The following TENM1 variants were observed in gnomAD, a reference collection of about 807,000 sequenced individuals.
TENM1 encodes teneurin-1.
Under a neutral mutation model 174.8 loss-of-function variants are expected in TENM1, and 35 were observed. That is an observed-to-expected ratio of 0.20 (90% CI 0.15 to 0.27). The LOEUF is 0.27. Among genes scored for constraint, TENM1 ranks in the 10% least tolerant of loss-of-function variants. The pLI is 1.00. For synonymous variants in TENM1, 781 were observed against 798.7 expected, an observed-to-expected ratio of 0.98 and a Z score of 0.37; for missense variants, 1,633 against 2,130.1, an observed-to-expected ratio of 0.77 and a Z score of 4.59.
rs2054799503 is a variant in TENM1, at chrX:124,776,989, C to T, written c.536-39792G>A. 1.1e-4 allele frequency among the ~76,000 whole-genome samples: 12 copies of T among 111,086 alleles called. No individual in the cohort carries two copies. The Admixed American group carries it at 1.2e-3, about 11-fold the overall frequency. ...TCATCCACTCTAGCTTCATCAACAT[C>T]TTCATTTATTTTTGGTTTTTGTATC... is the stretch of plus-strand genomic sequence containing the variant. On this transcript the variant is annotated intron_variant, in intron 3 of 31. Coordinates refer to ENST00000422452, the Ensembl canonical transcript of TENM1.
the TENM1 span, among the ~76,000 whole-genome samples, chrX:125,147,043 T>A: frequency 9.1e-6 from 1 of 109,615 alleles, no homozygotes; most frequent in Non-Finnish European, 1.9e-5. Flanking sequence ...TGCATACATG[T>A]GTCTGTGTGT....
At chrX:125,170,818 A>G in the TENM1 span, among the ~76,000 whole-genome samples, 6 of 111,496 alleles carry the variant, frequency 5.4e-5, no homozygotes, top group Non-Finnish European at 7.6e-5. Flanking sequence ...TAATCTGACT[A>G]TACTATATCA....
At chrX:124,644,496 A>T (rs1438977863) in intron 10 of TENM1, among the ~76,000 whole-genome samples, 1 of 110,054 alleles carries the variant, frequency 9.1e-6, no homozygotes, top group Non-Finnish European at 1.9e-5. Context: ...AAAACGTCTG[A>T]TTACTAGTAA....
the TENM1 span, among the ~76,000 whole-genome samples, chrX:125,033,073 G>A: frequency 9.0e-6 from 1 of 111,039 alleles, no homozygotes. Flanking sequence ...GACATTTATT[G>A]TATAGGGGAA....
At chrX:124,894,311 C>A in exon 3 of TENM1, 1 of 1,201,858 alleles carries the variant, frequency 8.3e-7, no homozygotes, top group Middle Eastern at 2.3e-4. Context: ...GTAGACCCAG[C>A]TTGAGCCTCC....
intron 11 of TENM1, among the ~76,000 whole-genome samples, chrX:124,621,203 G>A (rs2050509769): frequency 8.9e-6 from 1 of 111,833 alleles, no homozygotes; most frequent in African/African-American, 3.3e-5. Flanking sequence ...TGCAGGGTGC[G>A]GTGGCTCATG....
intron 3 of TENM1, among the ~76,000 whole-genome samples, chrX:124,868,922 T>C (rs1288505698): frequency 4.5e-5 from 5 of 110,517 alleles, no homozygotes; most frequent in South Asian, 3.9e-4. Flanking sequence ...ATTAAAACTA[T>C]AGTAAGATGT....
the TENM1 span, among the ~76,000 whole-genome samples, chrX:125,112,071 T>C: frequency 1.8e-5 from 2 of 110,376 alleles, no homozygotes; most frequent in Non-Finnish European, 3.8e-5. Flanking sequence ...TTTATGTCTT[T>C]TACATTAGGA....
At chrX:125,076,195 A>G in the TENM1 span, among the ~76,000 whole-genome samples, 1 of 111,705 alleles carries the variant, frequency 9.0e-6, no homozygotes, top group African/African-American at 3.2e-5. Flanking sequence ...GTAAAGTCAC[A>G]TCATACCCTA....
chrX:125,170,245 G>A, the TENM1 span, among the ~76,000 whole-genome samples: 22 of 111,287 alleles, frequency 2.0e-4, no homozygotes, highest in East Asian at 5.4e-3. Context: ...AGGGAGAAGC[G>A]AGTAGACACA....
At chrX:124,976,948 A>G in the TENM1 span, among the ~76,000 whole-genome samples, 1 of 111,876 alleles carries the variant, frequency 8.9e-6, no homozygotes, top group African/African-American at 3.2e-5. Flanking sequence ...CTCCTTTGTG[A>G]TTCCCTCTTC....
At chrX:124,760,270 C>G (rs146958252) in intron 3 of TENM1, among the ~76,000 whole-genome samples, 1,573 of 111,796 alleles carry the variant, frequency 0.014, 23 homozygotes, top group African/African-American at 0.048. Context: ...CTTTCCTGGT[C>G]GTGTGACAAG....
chrX:124,960,856 A>G (rs748180072), intron 1 of TENM1, among the ~76,000 whole-genome samples: 2 of 112,255 alleles, frequency 1.8e-5, no homozygotes, highest in South Asian at 7.4e-4. Flanking sequence ...ACATTTCCAT[A>G]GGAAATAATT....
At chrX:124,529,235 C>T (rs1489943902) in intron 16 of TENM1, among the ~76,000 whole-genome samples, 3 of 111,854 alleles carry the variant, frequency 2.7e-5, no homozygotes, top group African/African-American at 9.8e-5. Context: ...GTCTAAATGA[C>T]GGCAACAAAA....
chrX:124,727,340 C>A (rs895490143), intron 4 of TENM1, among the ~76,000 whole-genome samples: 3 of 112,002 alleles, frequency 2.7e-5, no homozygotes, highest in Non-Finnish European at 5.6e-5. Context: ...AAATAATTAC[C>A]ATCTAAGATC....
intron 1 of TENM1, among the ~76,000 whole-genome samples, chrX:124,918,778 G>A (rs979711894): frequency 9.0e-6 from 1 of 111,178 alleles, no homozygotes; most frequent in Non-Finnish European, 1.9e-5. Flanking sequence ...AGAGAGGTAG[G>A]CATTATTCAC....
chrX:124,388,600 A>G (rs2060249604), intron 28 of TENM1, among the ~76,000 whole-genome samples: 1 of 112,763 alleles, frequency 8.9e-6, no homozygotes, highest in Non-Finnish European at 1.9e-5. Context: ...ATTAGTCCAA[A>G]TAACAGAGTG....
the TENM1 span, among the ~76,000 whole-genome samples, chrX:125,191,587 A>C: frequency 4.5e-5 from 5 of 112,015 alleles, no homozygotes; most frequent in Admixed American, 2.8e-4. Flanking sequence ...AAACCTGGAG[A>C]GGTCTGAATG....
chrX:125,041,211 C>G, the TENM1 span, among the ~76,000 whole-genome samples: 2 of 111,362 alleles, frequency 1.8e-5, no homozygotes, highest in African/African-American at 6.5e-5. Context: ...GTTGTGTAGG[C>G]ATGTTAACAA....
Sources: allele counts gnomAD v4.1 joint callset (sites outside exome capture counted in the v4.1 genomes callset), GRCh38; gene constraint gnomAD v4.1.1; transcripts MANE v1.5; gene names NCBI Gene and HGNC (gene_info 2026-07-23, HGNC 2026-07-21).